PRKCA: variants seen among roughly 807,000 people sequenced by gnomAD.
PRKCA encodes protein kinase C alpha, also known as protein kinase C alpha type.
PRKCA carries 27 observed loss-of-function variants against 87.0 expected under a neutral mutation model. The ratio of observed to expected loss-of-function variants is 0.31; its 90% CI spans 0.23 to 0.43. The LOEUF is 0.43. Among genes scored for constraint, PRKCA ranks in the 20% least tolerant of loss-of-function variants. The pLI is 1.00. For missense variants in PRKCA, 518 were observed against 852.3 expected (o/e 0.61, Z 4.88); for synonymous variants, 329 against 311.1 (o/e 1.06, Z -0.61).
intron 2 of PRKCA, among the ~76,000 whole-genome samples, chr17:66,356,259 T>A (rs114435388): frequency 0.011 from 1,689 of 152,264 alleles, 33 homozygotes; most frequent in African/African-American, 0.039. Context: ...AAGGACAAGA[T>A]GATAGAAGAC....
chr17:66,804,998 A>C lies in PRKCA; in HGVS notation c.*961A>C. 1.0e-6 allele frequency: 1 copy of C among 985,126 alleles called. No individual in the cohort carries two copies. Among genetic ancestry groups the C allele is most frequent in the Non-Finnish European group, 1.2e-6 (1 of 829,574 alleles). The allele number at this position is 985,126 out of a possible 1,614,324, so 61.0% of individuals were successfully genotyped here. ...GTACGCCCTCTCCCCTTTTGTGCTT[A>C]TTTATTTAATAGGCTGCAGTGTCGC... On this transcript the variant is annotated 3_prime_UTR_variant, in exon 17 of 17. Coordinates refer to ENST00000413366, the MANE Select transcript of PRKCA (RefSeq NM_002737.3).
At chr17:66,667,872 A>G (rs1359043898) in intron 5 of PRKCA, among the ~76,000 whole-genome samples, 2 of 152,238 alleles carry the variant, frequency 1.3e-5, no homozygotes, top group East Asian at 3.8e-4. Context: ...AATTGCGGTA[A>G]CCAGTTGGTA....
chr17:66,347,153 A>G (rs1907431252), intron 2 of PRKCA, among the ~76,000 whole-genome samples: 1 of 152,218 alleles, frequency 6.6e-6, no homozygotes, highest in African/African-American at 2.4e-5. Context: ...TTGATTTAAA[A>G]TAGTAATAGT....
At chr17:66,428,311 G>A (rs1231518320) in intron 2 of PRKCA, among the ~76,000 whole-genome samples, 1 of 152,064 alleles carries the variant, frequency 6.6e-6, no homozygotes. Flanking sequence ...CACCGATATC[G>A]AGCTGTCTTC....
intron 9 of PRKCA, 80 bp from the exon 10 acceptor site, chr17:66,735,408 CG>C: frequency 6.9e-7 from 1 of 1,441,928 alleles, no homozygotes; most frequent in Non-Finnish European, 9.7e-7. Context: ...GTCACTGAGC[CG>C]TCACCTGGCC....
chr17:66,478,705 C>G (rs536305489), intron 2 of PRKCA, among the ~76,000 whole-genome samples: 5 of 151,744 alleles, frequency 3.3e-5, no homozygotes, highest in African/African-American at 1.2e-4. Flanking sequence ...TATAGATGAA[C>G]AAAAATAAAA....
chr17:66,798,500 G>A (rs139536177), intron 16 of PRKCA, among the ~76,000 whole-genome samples: 10 of 75,622 alleles, frequency 1.3e-4, no homozygotes, highest in Admixed American at 5.4e-4. Context: ...GGTGGTGGTG[G>A]TGGTGGTGAC....
chr17:66,465,926 T>A (rs1230900867), intron 2 of PRKCA, among the ~76,000 whole-genome samples: 2 of 151,986 alleles, frequency 1.3e-5, no homozygotes, highest in Admixed American at 1.3e-4. Flanking sequence ...TTTAAAGGAG[T>A]TTCTTCACAT....
chr17:66,739,660 G>A (rs558964152), intron 11 of PRKCA, among the ~76,000 whole-genome samples: 1 of 152,138 alleles, frequency 6.6e-6, no homozygotes, highest in Non-Finnish European at 1.5e-5. Flanking sequence ...AGAGGTGGGG[G>A]AAGAGCCTTC....
chr17:66,464,799 C>A (rs1215288701), intron 2 of PRKCA, among the ~76,000 whole-genome samples: 1 of 152,050 alleles, frequency 6.6e-6, no homozygotes, highest in African/African-American at 2.4e-5. Flanking sequence ...AATATTTTCT[C>A]CCAGCCTATA....
chr17:66,770,771 AT>A (rs538143183), intron 13 of PRKCA, among the ~76,000 whole-genome samples: 115 of 152,246 alleles, frequency 7.6e-4, no homozygotes, highest in African/African-American at 2.5e-3. Context: ...GAAGTAGTGG[AT>A]GTGGAGGGTT....
At chr17:66,663,258 G>A (rs1003551480) in intron 5 of PRKCA, among the ~76,000 whole-genome samples, 2 of 152,232 alleles carry the variant, frequency 1.3e-5, no homozygotes, top group African/African-American at 4.8e-5. Flanking sequence ...TGGTGTCACT[G>A]GACGTCGTCT....
chr17:66,475,199 A>C (rs1380909614), intron 2 of PRKCA, among the ~76,000 whole-genome samples: 1 of 152,124 alleles, frequency 6.6e-6, no homozygotes, highest in African/African-American at 2.4e-5. Context: ...TGCAACCACA[A>C]CAGTGAGGGC....
chr17:66,685,778 CCTT>C (rs1427007795), intron 5 of PRKCA, among the ~76,000 whole-genome samples: 1 of 152,226 alleles, frequency 6.6e-6, no homozygotes, highest in Admixed American at 6.5e-5. Context: ...AACTCCAGTG[CCTT>C]CTTCTCAAGT....
In PRKCA at chr17:66,803,731, C is replaced by T. The variant is rs113349602; in HGVS notation, c.1855-142C>T. 4 of 1,118,826 alleles carry T rather than the reference C, an allele frequency of 3.6e-6. No homozygotes were observed. The highest frequency in any genetic ancestry group is 5.4e-5 in the Admixed American group (2 of 36,854). The allele number at this position is 1,118,826 out of a possible 1,614,324, so 69.3% of individuals were successfully genotyped here. A position where few individuals can be genotyped will look rare whatever the true frequency, so the allele number is the denominator to read the frequency against. On this transcript the variant is annotated intron_variant, in intron 16 of 16. Coordinates refer to ENST00000413366, the MANE Select transcript of PRKCA (RefSeq NM_002737.3). The surrounding 1 kb of genome is among the most constrained non-coding windows in gnomAD (Gnocchi z 4.4). ...GTGCCTGGCTTTTCAATCCAATAGG[C>T]CTGCAAGTCCTCCGAGATTCCTCCT...
intron 4 of PRKCA, among the ~76,000 whole-genome samples, chr17:66,642,727 G>A (rs1040018561): frequency 6.6e-6 from 1 of 152,084 alleles, no homozygotes; most frequent in Admixed American, 6.6e-5. Context: ...AGAGTTGTAC[G>A]GCATCACAAC....
intron 3 of PRKCA, among the ~76,000 whole-genome samples, chr17:66,566,854 G>A (rs750701624): frequency 2.6e-5 from 4 of 152,154 alleles, no homozygotes; most frequent in South Asian, 2.1e-4. Flanking sequence ...CTTGGGGTTA[G>A]GCAGTATAGG....
At chr17:66,661,048 A>G (rs932681631) in intron 5 of PRKCA, among the ~76,000 whole-genome samples, 11 of 152,218 alleles carry the variant, frequency 7.2e-5, no homozygotes, top group Admixed American at 2.6e-4. Context: ...CTGAGAACCC[A>G]AGATTCTCTT....
chr17:66,405,041 C>T (rs1449310070), intron 2 of PRKCA, among the ~76,000 whole-genome samples: 5 of 151,990 alleles, frequency 3.3e-5, no homozygotes, highest in Admixed American at 6.6e-5. Flanking sequence ...TGAGCCACTG[C>T]GCCCGGCCAA....
Sources: gnomAD v4.1 joint callset for allele counts (sites outside exome capture counted in the v4.1 genomes callset) on GRCh38, gnomAD v4.1.1 for gene constraint, Gnocchi (gnomAD v3.1) non-coding constraint, MANE v1.5 for transcripts, NCBI Gene and HGNC (gene_info 2026-07-23, HGNC 2026-07-21) for gene names.